RCBTB1: variants seen among roughly 807,000 people sequenced by gnomAD.
RCBTB1 encodes RCC1 and BTB domain containing protein 1, also known as RCC1 and BTB domain-containing protein 1.
RCBTB1 carries 46 observed loss-of-function variants against 62.4 expected under a neutral mutation model. The ratio of observed to expected loss-of-function variants is 0.74; its 90% CI spans 0.58 to 0.94. RCBTB1 has a LOEUF of 0.94. RCBTB1 is among the 40% of genes least tolerant of loss of function. The probability of loss-of-function intolerance (pLI) is 0.00; values close to 1 mark genes in which losing one functional copy is unlikely to be tolerated. For synonymous variants in RCBTB1, 222 were observed against 245.8 expected (o/e 0.90, Z 0.91); for missense variants, 565 against 654.9 (o/e 0.86, Z 1.50).
chr13:49,570,995 G>A (rs1210760965), intron 2 of RCBTB1, among the ~76,000 whole-genome samples: 2 of 152,120 alleles, frequency 1.3e-5, no homozygotes, highest in Non-Finnish European at 2.9e-5. Context: ...ACTTCTTTCT[G>A]ACTTTATCTT....
Position 49,552,171 on chromosome 13 carries a change from C to T in RCBTB1, c.711+7G>A. ...GAAGCCACTAACTGAGAGTGCACCACACGTACCTGGTTCACACACACGCTG... is the reference window on the plus strand; with the variant it reads ...GAAGCCACTAACTGAGAGTGCACCATACGTACCTGGTTCACACACACGCTG... On this transcript the variant is annotated splice_region_variant and intron_variant, in intron 7 of 12. Coordinates refer to ENST00000378302, the MANE Select transcript of RCBTB1 (RefSeq NM_018191.4). 2 of 1,551,232 alleles carry T rather than the reference C, an allele frequency of 1.3e-6. No individual in the cohort carries two copies. Among genetic ancestry groups the T allele is most frequent in the Non-Finnish European group, 1.8e-6 (2 of 1,139,780 alleles).
intron 2 of RCBTB1, among the ~76,000 whole-genome samples, chr13:49,571,795 A>G (rs1027796266): frequency 2.6e-5 from 4 of 152,158 alleles, no homozygotes; most frequent in Non-Finnish European, 5.9e-5. Flanking sequence ...CCTCATTATA[A>G]TTTGACTATT....
At chr13:49,569,726 A>C (rs1273887238) in intron 2 of RCBTB1, among the ~76,000 whole-genome samples, 1 of 151,270 alleles carries the variant, frequency 6.6e-6, no homozygotes, top group Non-Finnish European at 1.5e-5. Context: ...CTCAAAAAAA[A>C]AAAAGAAAGA....
At chr13:49,582,933 T>C (rs111314871) in intron 1 of RCBTB1, among the ~76,000 whole-genome samples, 1 of 152,130 alleles carries the variant, frequency 6.6e-6, no homozygotes, top group African/African-American at 2.4e-5. Context: ...TCCCAACATT[T>C]TGGGAGGCCA....
chr13:49,583,030 A>T (rs1241263359), intron 1 of RCBTB1, among the ~76,000 whole-genome samples: 4 of 152,126 alleles, frequency 2.6e-5, no homozygotes, highest in Non-Finnish European at 5.9e-5. Context: ...TAAAAAAATT[A>T]GTCGAATGTG....
At chr13:49,547,193 G>A in intron 9 of RCBTB1, 1 of 1,082,756 alleles carries the variant, frequency 9.2e-7, no homozygotes, top group Non-Finnish European at 1.2e-6. Context: ...AAAAAATACT[G>A]TATTATACCT....
At chr13:49,541,650 C>T (rs373888606) in intron 11 of RCBTB1, 26 bp downstream of exon 11, 14 of 1,585,438 alleles carry the variant, frequency 8.8e-6, no homozygotes, top group East Asian at 4.5e-5. Context: ...CCATGCGGCT[C>T]GTCCATCCCA....
chr13:49,534,353 T>A, intron 12 of RCBTB1, 91 bp from the exon 13 acceptor site: 1 of 1,302,246 alleles, frequency 7.7e-7, no homozygotes, highest in Non-Finnish European at 1.1e-6. Flanking sequence ...CCCAAATCTC[T>A]CACCCTCCCC....
At chr13:49,578,025 T>C (rs1024572500) in intron 2 of RCBTB1, among the ~76,000 whole-genome samples, 1 of 152,208 alleles carries the variant, frequency 6.6e-6, no homozygotes, top group African/African-American at 2.4e-5. Context: ...AATGAGCTAG[T>C]GATAAAATCT....
intron 12 of RCBTB1, among the ~76,000 whole-genome samples, chr13:49,535,512 T>C (rs776620487): frequency 6.6e-6 from 1 of 152,150 alleles, no homozygotes; most frequent in Non-Finnish European, 1.5e-5. Flanking sequence ...AAGCTCAACA[T>C]TTCAACTGCA....
chr13:49,546,287 A>G, intron 9 of RCBTB1: 1 of 985,216 alleles, frequency 1.0e-6, no homozygotes, highest in Non-Finnish European at 1.2e-6. Context: ...TGAATTCACC[A>G]TGTGACTTTC....
At chr13:49,539,134 G>A (rs1204217632) in intron 12 of RCBTB1, among the ~76,000 whole-genome samples, 4 of 151,718 alleles carry the variant, frequency 2.6e-5, no homozygotes, top group Admixed American at 1.3e-4. Context: ...CCAAAGTGCC[G>A]GGATTACAGG....
rs1016538686 is a variant in RCBTB1 at position 49,541,586 on chromosome 13, C to T, written c.1324+90G>A. On this transcript the variant is annotated intron_variant, in intron 11 of 12. Transcript: ENST00000378302. ...TTTAAGCACCAAATTAAAGCCAATA[C>T]ACCTGAAGCTTTTTACATTTCAGGA... 1.6e-5 allele frequency: 20 copies of T among 1,262,334 alleles called. 1 individual carries two copies. Among genetic ancestry groups the T allele is most frequent in the Middle Eastern group, 2.0e-4 (1 of 4,976 alleles). The allele number at this position is 1,262,334 out of a possible 1,614,324, so 78.2% of individuals were successfully genotyped here. A position where few individuals can be genotyped will look rare whatever the true frequency, so the allele number is the denominator to read the frequency against.
intron 8 of RCBTB1, chr13:49,550,008 G>C (rs1158821880): frequency 2.7e-6 from 2 of 734,318 alleles, no homozygotes; most frequent in African/African-American, 3.9e-5. Context: ...TTTCTTTTTT[G>C]AGACAGGATC....
At chr13:49,585,074 A>G (rs1232335773) in intron 1 of RCBTB1, among the ~76,000 whole-genome samples, 1 of 152,206 alleles carries the variant, frequency 6.6e-6, no homozygotes, top group East Asian at 1.9e-4. Flanking sequence ...GAGAATAGGA[A>G]GAGTCGGAGG....
chr13:49,574,231 G>A (rs1963613073), intron 2 of RCBTB1, among the ~76,000 whole-genome samples: 1 of 151,912 alleles, frequency 6.6e-6, no homozygotes, highest in Non-Finnish European at 1.5e-5. Context: ...CAATTCTTGT[G>A]CCTCAGCCTT....
At chr13:49,550,757 T>C (rs1961257717) in intron 8 of RCBTB1, among the ~76,000 whole-genome samples, 1 of 152,174 alleles carries the variant, frequency 6.6e-6, no homozygotes, top group African/African-American at 2.4e-5. Flanking sequence ...TTCAGAGAGC[T>C]ACATAAGAAT....
intron 2 of RCBTB1, among the ~76,000 whole-genome samples, chr13:49,568,656 G>C (rs903058181): frequency 2.6e-5 from 4 of 151,850 alleles, no homozygotes; most frequent in Admixed American, 6.6e-5. Context: ...GCCGGGGGAG[G>C]GGGGTGGCTC....
In RCBTB1 at chr13:49,550,923, G is replaced by A. The variant is rs369333333; in HGVS notation, c.854+403C>T. 7.2e-5 allele frequency among the ~76,000 whole-genome samples: 11 copies of A among 152,250 alleles called. No individual in the cohort carries two copies. In the South Asian group the frequency reaches 1.0e-3, roughly 14 times the overall value. On this transcript the variant is annotated intron_variant, in intron 8 of 12. Coordinates refer to ENST00000378302, the MANE Select transcript of RCBTB1 (RefSeq NM_018191.4). ...TCAAGACCAGCCTGGCCAACATGGC[G>A]AAACCCTGTCTCTACTAAAAAATAC...
Sources: allele counts gnomAD v4.1 joint callset (sites outside exome capture counted in the v4.1 genomes callset), GRCh38; gene constraint gnomAD v4.1.1; transcripts MANE v1.5; gene names NCBI Gene and HGNC (gene_info 2026-07-23, HGNC 2026-07-21).